NDUFAF6: variants seen among roughly 807,000 people sequenced by gnomAD.
NDUFAF6 encodes NADH:ubiquinone oxidoreductase complex assembly factor 6.
NDUFAF6 carries 45 observed loss-of-function variants against 40.8 expected under a neutral mutation model. The ratio of observed to expected loss-of-function variants is 1.10; its 90% CI spans 0.87 to 1.42. NDUFAF6 has a LOEUF of 1.42. NDUFAF6 is among the 40% of genes most tolerant of loss of function. The pLI is 0.00. For missense variants in NDUFAF6, 435 were observed against 418.5 expected (o/e 1.04, Z -0.34); for synonymous variants, 185 against 155.9 (o/e 1.19, Z -1.39).
chr8:95,061,922 C>T (rs1228033714), downstream of NDUFAF6, among the ~76,000 whole-genome samples: 2 of 151,996 alleles, frequency 1.3e-5, no homozygotes, highest in East Asian at 3.9e-4. Context: ...CTTTAGGAGG[C>T]CGAGGCAGGT....
chr8:94,922,988 G>A (rs1324492452), intron 1 of NDUFAF6, among the ~76,000 whole-genome samples: 1 of 151,892 alleles, frequency 6.6e-6, no homozygotes, highest in African/African-American at 2.4e-5. Context: ...TTTTCCAGTT[G>A]CTCTTAGGCA....
intron 1 of NDUFAF6, among the ~76,000 whole-genome samples, chr8:94,933,839 G>GT (rs1046736222): frequency 1.3e-5 from 2 of 148,456 alleles, no homozygotes; most frequent in South Asian, 2.2e-4. Flanking sequence ...CTTTGTGGGG[G>GT]GGGGGGGAGG....
intron 2 of NDUFAF6, among the ~76,000 whole-genome samples, chr8:95,008,406 G>A (rs916948764): frequency 6.6e-5 from 10 of 152,188 alleles, no homozygotes; most frequent in African/African-American, 2.4e-4. Flanking sequence ...TTTTATTCGT[G>A]TCAGTTTGCT....
chr8:94,944,371 G>A (rs1821809594), intron 1 of NDUFAF6, among the ~76,000 whole-genome samples: 1 of 152,202 alleles, frequency 6.6e-6, no homozygotes, highest in African/African-American at 2.4e-5. Flanking sequence ...ACAGCTGCTG[G>A]GTTCCCACAT....
chr8:95,046,337 G>T (rs547247755), intron 5 of NDUFAF6, among the ~76,000 whole-genome samples: 3 of 152,336 alleles, frequency 2.0e-5, no homozygotes, highest in African/African-American at 7.2e-5. Flanking sequence ...GAGCCACAGT[G>T]CCTGGCCTAA....
At position 95,057,898 on chromosome 8, in the gene NDUFAF6, A is replaced by T. The variant is rs1210614847; in HGVS notation, c.963A>T (p.Pro321=). 6.4e-7 allele frequency: 1 copy of T among 1,565,148 alleles called. No individual in the cohort carries two copies. Among genetic ancestry groups the T allele is most frequent in the Non-Finnish European group, 8.8e-7 (1 of 1,135,738 alleles). The change falls in exon 9 of 9, where the codon CCA becomes CCT. Residue 321 remains proline (P), a synonymous_variant. Transcript: ENST00000396124. ...PSLQQKNTLL[P]LYLYIQSWRK... is the part of the protein sequence containing the mutation. ...TACAGCAGAAGAATACATTACTTCC[A>T]TTATATTTGTATATTCAGTCATGGA...
chr8:95,036,042 A>G (rs1321757233), intron 3 of NDUFAF6, among the ~76,000 whole-genome samples: 1 of 152,246 alleles, frequency 6.6e-6, no homozygotes, highest in Non-Finnish European at 1.5e-5. Context: ...TTGTCCAGAT[A>G]CAAATCTAAA....
rs192037765 is a variant in NDUFAF6 at position 94,969,861 on chromosome 8, C to T, written c.-198-10998C>T. On this transcript the variant is annotated intron_variant, in intron 1 of 9. Coordinates refer to the NDUFAF6 transcript ENST00000396111. The stretch of plus-strand genomic sequence containing the variant: ...AAATGCTAAGACCTTACCAAGAAAT[C>T]GACAAAGGACATGAACAGACAGTTT... Among the ~76,000 whole-genome samples, 3 of 152,050 alleles carry T rather than the reference C, an allele frequency of 2.0e-5. No homozygotes were observed. In the East Asian group the frequency reaches 5.8e-4, roughly 29 times the overall value.
intron 1 of NDUFAF6, among the ~76,000 whole-genome samples, chr8:94,969,638 C>A (rs1468107066): frequency 6.6e-6 from 1 of 151,924 alleles, no homozygotes; most frequent in African/African-American, 2.4e-5. Flanking sequence ...AAAACCCTGT[C>A]TCTAAATAAG....
intron 9 of NDUFAF6, among the ~76,000 whole-genome samples, chr8:95,066,016 T>A (rs1485298065): frequency 2.0e-5 from 3 of 152,200 alleles, no homozygotes; most frequent in Admixed American, 6.5e-5. Flanking sequence ...GAAGTATGCA[T>A]CCACAGATGG....
At chr8:94,941,939 C>T (rs1407858892) in intron 1 of NDUFAF6, among the ~76,000 whole-genome samples, 6 of 152,262 alleles carry the variant, frequency 3.9e-5, no homozygotes, top group African/African-American at 1.2e-4. Context: ...TTTTTTTCCC[C>T]CACAAACTTA....
downstream of NDUFAF6, among the ~76,000 whole-genome samples, chr8:95,077,912 C>A (rs1185509940): frequency 6.6e-6 from 1 of 152,034 alleles, no homozygotes; most frequent in African/African-American, 2.4e-5. Flanking sequence ...GGCCAGCCCC[C>A]CGAGATGGAG....
chr8:94,958,995 C>T (rs1823324374), intron 1 of NDUFAF6, among the ~76,000 whole-genome samples: 1 of 152,062 alleles, frequency 6.6e-6, no homozygotes, highest in Non-Finnish European at 1.5e-5. Flanking sequence ...TTACTTTGGG[C>T]TTTTACTATG....
intron 2 of NDUFAF6, among the ~76,000 whole-genome samples, chr8:94,945,949 C>T (rs1821947300): frequency 6.6e-6 from 1 of 152,140 alleles, no homozygotes; most frequent in South Asian, 2.1e-4. Flanking sequence ...TTCTGCTTGG[C>T]TCAAAAGACC....
chr8:95,006,334 G>C (rs531628558), intron 2 of NDUFAF6, among the ~76,000 whole-genome samples: 1 of 134,672 alleles, frequency 7.4e-6, no homozygotes, highest in Non-Finnish European at 1.6e-5. Flanking sequence ...TAGCCTAGGC[G>C]ACAAGAGCAA....
chr8:94,989,724 A>C (rs1826110563), intron 2 of NDUFAF6, among the ~76,000 whole-genome samples: 1 of 152,132 alleles, frequency 6.6e-6, no homozygotes, highest in Non-Finnish European at 1.5e-5. Context: ...CATTGCTAAG[A>C]GAGTGATAAT....
intron 1 of NDUFAF6, among the ~76,000 whole-genome samples, chr8:94,932,365 C>T (rs569383038): frequency 6.6e-6 from 1 of 152,296 alleles, no homozygotes; most frequent in Admixed American, 6.5e-5. Context: ...GTAATATCCC[C>T]AATGATAGAC....
At chr8:94,902,527 ATT>A (rs2131177135) in intron 1 of NDUFAF6, among the ~76,000 whole-genome samples, 1 of 151,902 alleles carries the variant, frequency 6.6e-6, no homozygotes, top group South Asian at 2.1e-4. Flanking sequence ...GTGTTTTTTA[ATT>A]TCATTCATGT....
At chr8:95,041,689 C>A in intron 4 of NDUFAF6, 63 bp downstream of exon 4, 3 of 1,307,066 alleles carry the variant, frequency 2.3e-6, no homozygotes, top group Non-Finnish European at 3.3e-6. Context: ...GCTAATTCTT[C>A]AAGAAGGACA....
Sources: gnomAD v4.1 joint callset for allele counts (sites outside exome capture counted in the v4.1 genomes callset) on GRCh38, gnomAD v4.1.1 for gene constraint, MANE v1.5 for transcripts, NCBI Gene and HGNC (gene_info 2026-07-23, HGNC 2026-07-21) for gene names.